KLF12: variants seen among roughly 807,000 people sequenced by gnomAD.
KLF12 encodes KLF transcription factor 12.
A neutral mutation model predicts 37.8 loss-of-function variants in KLF12; 9 were observed. The ratio of observed to expected loss-of-function variants is 0.24; its 90% CI spans 0.14 to 0.42. The LOEUF is 0.42. Among genes scored for constraint, KLF12 ranks in the 10% least tolerant of loss-of-function variants. The pLI is 1.00. For synonymous variants in KLF12, 208 were observed against 202.1 expected, an observed-to-expected ratio of 1.03 and a Z score of -0.25; for missense variants, 411 against 516.0, an observed-to-expected ratio of 0.80 and a Z score of 1.97.
intron 3 of KLF12, among the ~76,000 whole-genome samples, chr13:73,870,961 T>C (rs1249104723): frequency 6.6e-6 from 1 of 152,210 alleles, no homozygotes; most frequent in Non-Finnish European, 1.5e-5. Context: ...TTTTTACTTA[T>C]GCAACATATA....
At chr13:73,717,154 T>C (rs1458964740) in intron 6 of KLF12, among the ~76,000 whole-genome samples, 1 of 152,204 alleles carries the variant, frequency 6.6e-6, no homozygotes, top group Non-Finnish European at 1.5e-5. Context: ...TGTCGTTATG[T>C]TCCAATGAAA....
the KLF12 span, among the ~76,000 whole-genome samples, chr13:74,185,329 T>C: frequency 4.6e-5 from 7 of 152,326 alleles, no homozygotes; most frequent in South Asian, 2.1e-4. Flanking sequence ...TTAGAAATCA[T>C]AGAGGCCTCT....
At position 73,776,460 on chromosome 13, in the gene KLF12, G is replaced by C. The variant is rs1474727341; in HGVS notation, c.807-11460C>G. Among the ~76,000 whole-genome samples the C allele has an allele frequency of 4.6e-5, 7 of 152,330 alleles. No homozygotes were observed. The East Asian group carries it at 1.3e-3, about 29-fold the overall frequency. ...AGTACCCACAAGGCTAAAGGTACTTGTGGAGATTGGCAAGAAGCTTATGAA... is the reference window on the plus strand; with the variant it reads ...AGTACCCACAAGGCTAAAGGTACTTCTGGAGATTGGCAAGAAGCTTATGAA... On this transcript the variant is annotated intron_variant, in intron 5 of 7. Transcript: ENST00000377669.
chr13:73,824,450 T>C (rs932260930), intron 4 of KLF12, among the ~76,000 whole-genome samples: 3 of 152,198 alleles, frequency 2.0e-5, no homozygotes, highest in Non-Finnish European at 4.4e-5. Context: ...ATTTTTCTTT[T>C]TGAGAACAAA....
At chr13:74,094,580 C>G (rs1265317401) in intron 1 of KLF12, among the ~76,000 whole-genome samples, 1 of 151,544 alleles carries the variant, frequency 6.6e-6, no homozygotes, top group Non-Finnish European at 1.5e-5. Context: ...CACCCCACAA[C>G]CAGAAAAGCT....
chr13:73,776,110 C>T (rs1880590341), intron 5 of KLF12, among the ~76,000 whole-genome samples: 1 of 152,076 alleles, frequency 6.6e-6, no homozygotes, highest in Non-Finnish European at 1.5e-5. Flanking sequence ...TTAAATGTGA[C>T]TATTATTATT....
the KLF12 span, among the ~76,000 whole-genome samples, chr13:74,227,635 A>G: frequency 6.6e-6 from 1 of 152,182 alleles, no homozygotes; most frequent in Non-Finnish European, 1.5e-5. Flanking sequence ...AGCAAACAAT[A>G]CATAAGAATC....
At chr13:73,821,676 T>G (rs140655753) in intron 4 of KLF12, among the ~76,000 whole-genome samples, 2 of 152,272 alleles carry the variant, frequency 1.3e-5, no homozygotes, top group Non-Finnish European at 2.9e-5. Context: ...AATCCTTGAC[T>G]TTTTCCCACT....
the KLF12 span, among the ~76,000 whole-genome samples, chr13:74,245,724 T>C: frequency 6.6e-6 from 1 of 152,176 alleles, no homozygotes; most frequent in Non-Finnish European, 1.5e-5. Context: ...CTGTGGAACA[T>C]AGCAAAGTGT....
chr13:74,261,602 A>C, the KLF12 span, among the ~76,000 whole-genome samples: 1 of 152,240 alleles, frequency 6.6e-6, no homozygotes, highest in South Asian at 2.1e-4. Context: ...TAAAGACTGT[A>C]TATAAACACA....
chr13:74,079,222 G>A (rs1409682287), intron 1 of KLF12, among the ~76,000 whole-genome samples: 1 of 152,140 alleles, frequency 6.6e-6, no homozygotes, highest in Non-Finnish European at 1.5e-5. Context: ...GGTACCAGGG[G>A]CTGAGGGGAA....
At chr13:74,072,345 T>C (rs1874300294) in intron 1 of KLF12, among the ~76,000 whole-genome samples, 1 of 107,334 alleles carries the variant, frequency 9.3e-6, no homozygotes, top group African/African-American at 3.2e-5. Context: ...CAAGATCTTT[T>C]TAAGAATTAA....
intron 3 of KLF12, among the ~76,000 whole-genome samples, chr13:73,923,016 T>C (rs1046229600): frequency 2.0e-5 from 3 of 152,178 alleles, no homozygotes; most frequent in African/African-American, 4.8e-5. Flanking sequence ...TCTTATTCTG[T>C]ACAAAAGATG....
chr13:73,777,622 C>A (rs373395020), intron 5 of KLF12, among the ~76,000 whole-genome samples: 3 of 151,888 alleles, frequency 2.0e-5, no homozygotes, highest in Non-Finnish European at 2.9e-5. Context: ...GCAGGAGAAT[C>A]GCTTGAACCC....
chr13:73,875,292 G>A (rs1447318972), intron 3 of KLF12, among the ~76,000 whole-genome samples: 4 of 152,108 alleles, frequency 2.6e-5, no homozygotes, highest in African/African-American at 9.7e-5. Flanking sequence ...ACAAAGACCA[G>A]TTTGACAGCT....
intron 1 of KLF12, among the ~76,000 whole-genome samples, chr13:74,117,680 G>A: frequency 6.6e-6 from 1 of 152,132 alleles, no homozygotes; most frequent in East Asian, 1.9e-4. Flanking sequence ...TGGATATCAT[G>A]ATATGATACA....
At chr13:73,971,549 A>C (rs2138107290) in intron 2 of KLF12, among the ~76,000 whole-genome samples, 1 of 152,252 alleles carries the variant, frequency 6.6e-6, no homozygotes, top group East Asian at 1.9e-4. Flanking sequence ...TAAACCATCA[A>C]CTATAAAGTT....
chr13:73,804,265 C>CAA (rs1882445783), intron 5 of KLF12, among the ~76,000 whole-genome samples: 1 of 152,198 alleles, frequency 6.6e-6, no homozygotes, highest in South Asian at 2.1e-4. Context: ...TAAAGTTTGA[C>CAA]TCTGAGCTCC....
chr13:73,760,022 A>G (rs1879444086), intron 6 of KLF12, among the ~76,000 whole-genome samples: 1 of 152,204 alleles, frequency 6.6e-6, no homozygotes, highest in Admixed American at 6.5e-5. Context: ...TAAATATTTA[A>G]GTTCACTGTA....
Sources: gnomAD v4.1 joint callset for allele counts (sites outside exome capture counted in the v4.1 genomes callset) on GRCh38, gnomAD v4.1.1 for gene constraint, MANE v1.5 for transcripts, NCBI Gene and HGNC (gene_info 2026-07-23, HGNC 2026-07-21) for gene names.